CDH12: variants seen among roughly 807,000 people sequenced by gnomAD.
CDH12 encodes the protein cadherin 12, also known as cadherin-12.
In CDH12, 41 loss-of-function variants were observed where a neutral mutation model predicts 74.1. The ratio of observed to expected loss-of-function variants is 0.55; its 90% CI spans 0.43 to 0.72. The LOEUF is 0.72. CDH12 is among the 30% of genes least tolerant of loss of function. The pLI, the probability that CDH12 is intolerant of heterozygous loss-of-function variation, is 0.00. For synonymous variants in CDH12, 399 were observed against 355.0 expected (o/e 1.12, Z -1.39); for missense variants, 945 against 977.2 (o/e 0.97, Z 0.44).
chr5:22,545,887 T>C (rs1208113786), intron 1 of CDH12, among the ~76,000 whole-genome samples: 1 of 152,148 alleles, frequency 6.6e-6, no homozygotes, highest in Non-Finnish European at 1.5e-5. Flanking sequence ...TTTAAGTATG[T>C]TTGAGTTATA....
chr5:22,416,838 A>G (rs988129799), intron 2 of CDH12, among the ~76,000 whole-genome samples: 1 of 152,202 alleles, frequency 6.6e-6, no homozygotes, highest in African/African-American at 2.4e-5. Context: ...TTTAACACCA[A>G]GACAGGACTG....
chr5:22,254,565 A>T (rs1239817117), intron 3 of CDH12, among the ~76,000 whole-genome samples: 1 of 151,842 alleles, frequency 6.6e-6, no homozygotes, highest in Non-Finnish European at 1.5e-5. Flanking sequence ...AATGGGTATC[A>T]GGTTTAATAC....
At chr5:22,134,929 A>T (rs2150291077) in intron 4 of CDH12, among the ~76,000 whole-genome samples, 1 of 151,988 alleles carries the variant, frequency 6.6e-6, no homozygotes, top group Non-Finnish European at 1.5e-5. Flanking sequence ...CCAGCCATTT[A>T]CTCATTAAGC....
chr5:22,022,455 G>A (rs542952625), intron 5 of CDH12, among the ~76,000 whole-genome samples: 30 of 152,154 alleles, frequency 2.0e-4, no homozygotes, highest in African/African-American at 7.2e-4. Context: ...CCTTCGTATA[G>A]CTTGTGGAAC....
intron 5 of CDH12, among the ~76,000 whole-genome samples, chr5:22,017,725 A>G (rs1737688798): frequency 6.6e-6 from 1 of 151,526 alleles, no homozygotes; most frequent in Admixed American, 6.6e-5. Flanking sequence ...ATCTGAGCTG[A>G]TTTAATTTTT....
intron 1 of CDH12, among the ~76,000 whole-genome samples, chr5:22,662,206 T>C (rs922090751): frequency 1.3e-5 from 2 of 152,202 alleles, no homozygotes. Context: ...TTAAAACTTA[T>C]GTTCAAGGAA....
chr5:22,618,888 G>A (rs1201685673), intron 1 of CDH12, among the ~76,000 whole-genome samples: 1 of 151,942 alleles, frequency 6.6e-6, no homozygotes, highest in Non-Finnish European at 1.5e-5. Context: ...TTTTATAAAG[G>A]GAGGTTTCTC....
At chr5:21,788,621 T>G (rs534024716) in intron 10 of CDH12, among the ~76,000 whole-genome samples, 1 of 152,254 alleles carries the variant, frequency 6.6e-6, no homozygotes, top group African/African-American at 2.4e-5. Flanking sequence ...ATATTTCAGA[T>G]GTATAATAAA....
chr5:22,177,378 C>T (rs11740896), intron 4 of CDH12, among the ~76,000 whole-genome samples: 3 of 151,784 alleles, frequency 2.0e-5, no homozygotes. Flanking sequence ...GTGTGGGAAT[C>T]CCTCTGTAGA....
chr5:21,968,798 C>A (rs1457977403), intron 6 of CDH12, among the ~76,000 whole-genome samples: 2 of 151,930 alleles, frequency 1.3e-5, no homozygotes, highest in African/African-American at 2.4e-5. Context: ...TATGCCGCCA[C>A]AAAAAGGAAA....
chr5:21,834,240 A>T (rs541625449), intron 8 of CDH12, among the ~76,000 whole-genome samples: 22 of 151,958 alleles, frequency 1.4e-4, no homozygotes, highest in African/African-American at 4.8e-4. Context: ...CATAACACAC[A>T]ATTCATATAA....
chr5:22,227,202 T>A (rs969845785), intron 3 of CDH12, among the ~76,000 whole-genome samples: 1 of 152,052 alleles, frequency 6.6e-6, no homozygotes, highest in Non-Finnish European at 1.5e-5. Context: ...AATGGAGTTG[T>A]CCAGAAGTCT....
intron 9 of CDH12, among the ~76,000 whole-genome samples, chr5:21,811,282 G>A (rs1450991421): frequency 6.6e-6 from 1 of 151,972 alleles, no homozygotes; most frequent in Non-Finnish European, 1.5e-5. Flanking sequence ...TTGTAGAAAT[G>A]GTAGAGAACT....
intron 1 of CDH12, among the ~76,000 whole-genome samples, chr5:22,832,204 G>C (rs1416002960): frequency 6.6e-6 from 1 of 152,054 alleles, no homozygotes; most frequent in Non-Finnish European, 1.5e-5. Flanking sequence ...TTTGAGACTT[G>C]GCACCTTCAT....
intron 1 of CDH12, among the ~76,000 whole-genome samples, chr5:22,521,006 T>G (rs1737033076): frequency 6.6e-6 from 1 of 151,800 alleles, no homozygotes; most frequent in Non-Finnish European, 1.5e-5. Flanking sequence ...TTTTTTTGTC[T>G]TAGTAAAGCG....
At position 22,853,093 on chromosome 5, in the gene CDH12, A is replaced by AC. The variant is rs145622813; in HGVS notation, c.-559dup. Reference sequence around the variant, plus strand: ...AAAAGGCAGCTGCAGGAGCAGCAGCACCGACGGCCGCAGCAGGGTGCCAAC... The same window carrying AC: ...AAAAGGCAGCTGCAGGAGCAGCAGCACCCGACGGCCGCAGCAGGGTGCCAAC... On this transcript the variant is annotated 5_prime_UTR_variant, in exon 1 of 15. Coordinates refer to ENST00000382254, the MANE Select transcript of CDH12 (RefSeq NM_004061.5). The AC allele has an allele frequency of 0.023, 3,486 of 152,658 alleles. 56 individuals carry two copies. The highest frequency in any genetic ancestry group is 0.034 in the Admixed American group (525 of 15,300). 9.5% of individuals were successfully genotyped at this position (152,658 alleles called of 1,614,324 possible).
intron 1 of CDH12, among the ~76,000 whole-genome samples, chr5:22,700,196 T>G (rs1742640815): frequency 6.6e-6 from 1 of 152,136 alleles, no homozygotes; most frequent in African/African-American, 2.4e-5. Flanking sequence ...TGGATAGTGC[T>G]AATGACATGC....
At chr5:22,767,091 G>A (rs1746554567) in intron 1 of CDH12, among the ~76,000 whole-genome samples, 1 of 151,990 alleles carries the variant, frequency 6.6e-6, no homozygotes, top group Non-Finnish European at 1.5e-5. Flanking sequence ...TGATTAGAAT[G>A]TTGGCAAAAT....
intron 5 of CDH12, among the ~76,000 whole-genome samples, chr5:22,018,356 T>A (rs1737739897): frequency 6.6e-6 from 1 of 152,204 alleles, no homozygotes; most frequent in Admixed American, 6.5e-5. Context: ...TATTAAATCT[T>A]AAAATCTGTA....
Sources: allele counts gnomAD v4.1 joint callset (sites outside exome capture counted in the v4.1 genomes callset), GRCh38; gene constraint gnomAD v4.1.1; transcripts MANE v1.5; gene names NCBI Gene and HGNC (gene_info 2026-07-23, HGNC 2026-07-21).